Variants in STAG2 observed in about 807,000 individuals in gnomAD.
STAG2 encodes STAG2 cohesin complex component.
A neutral mutation model predicts 108.1 loss-of-function variants in STAG2; 14 were observed. That is an observed-to-expected ratio of 0.13 (90% CI 0.09 to 0.20). The LOEUF is 0.20. Ranked by LOEUF, STAG2 falls within the 10% of genes least tolerant of loss-of-function variation. STAG2 has a pLI of 1.00. For synonymous variants in STAG2, 307 were observed against 302.7 expected (o/e 1.01, Z -0.15); for missense variants, 440 against 940.9 (o/e 0.47, Z 6.96).
At chrX:124,003,704 G>T (rs778711938) in intron 1 of STAG2, 5 of 111,894 alleles carry the variant, frequency 4.5e-5, no homozygotes, top group Admixed American at 1.9e-4. Context: ...GATTACAGGC[G>T]TGAGCCACCG....
rs191685458 is a variant in STAG2, at chrX:124,092,985, T to C, written c.3579-1033T>C. On this transcript the variant is annotated intron_variant, in intron 32 of 34. Coordinates refer to ENST00000371145, the MANE Select transcript of STAG2 (RefSeq NM_001042750.2). ...TTATATCTTTTAAGAACCAGCATAGTATTGTGTAAATTGTAAGCATTCGGT... is the reference window on the plus strand; with the variant it reads ...TTATATCTTTTAAGAACCAGCATAGCATTGTGTAAATTGTAAGCATTCGGT... 5.7e-3 allele frequency among the ~76,000 whole-genome samples: 633 copies of C among 111,715 alleles called. 1 individual carries two copies. Among genetic ancestry groups the C allele is most frequent in the Non-Finnish European group, 8.8e-3 (465 of 53,102 alleles).
At chrX:123,987,134 A>G (rs1260899073) in intron 1 of STAG2, among the ~76,000 whole-genome samples, 1 of 110,284 alleles carries the variant, frequency 9.1e-6, no homozygotes, top group Non-Finnish European at 1.9e-5. Flanking sequence ...CTGGGATTAC[A>G]GGTGTGCGCC....
At chrX:123,975,168 A>AGT (rs2054561906) in intron 1 of STAG2, among the ~76,000 whole-genome samples, 1 of 112,070 alleles carries the variant, frequency 8.9e-6, no homozygotes, top group Admixed American at 9.5e-5. Context: ...CTAAAGAAAT[A>AGT]GTATATATAT....
chrX:123,970,979 C>T (rs2054327590), intron 1 of STAG2, among the ~76,000 whole-genome samples: 1 of 111,698 alleles, frequency 9.0e-6, no homozygotes, highest in East Asian at 2.8e-4. Flanking sequence ...AAAGGGGGCA[C>T]TCACTGAATG....
At chrX:124,059,525 AT>A (rs2058319167) in intron 15 of STAG2, among the ~76,000 whole-genome samples, 1 of 112,046 alleles carries the variant, frequency 8.9e-6, no homozygotes, top group Non-Finnish European at 1.9e-5. Context: ...TGATTGTTTT[AT>A]TTTTATCCTT....
At chrX:123,988,009 A>G (rs12856956) in intron 1 of STAG2, among the ~76,000 whole-genome samples, 3,805 of 111,986 alleles carry the variant, frequency 0.034, 62 homozygotes, top group Non-Finnish European at 0.049. Flanking sequence ...CATGTGGACA[A>G]AGGCTGGGAA....
At chrX:124,065,625 A>C (rs1407865994) in intron 20 of STAG2, among the ~76,000 whole-genome samples, 2 of 111,405 alleles carry the variant, frequency 1.8e-5, no homozygotes, top group Non-Finnish European at 3.8e-5. Flanking sequence ...TTTTGTGTCA[A>C]GTTTACTTAG....
rs991211983 is a variant in STAG2 at position 124,022,954 on chromosome X, C to CT, written c.44+284dup. 2.7e-5 allele frequency among the ~76,000 whole-genome samples: 3 copies of CT among 112,105 alleles called. No individual in the cohort carries two copies. The Admixed American group carries it at 2.8e-4, about 11-fold the overall frequency. On this transcript the variant is annotated intron_variant, in intron 3 of 34. Transcript: ENST00000371145. ...TCCATACTTGGTTTTGCAATAGCAA[C>CT]TGTTTTGAGAGAGCATCATAAAATT...
intron 28 of STAG2, among the ~76,000 whole-genome samples, chrX:124,082,377 C>T (rs1052057510): frequency 1.8e-5 from 2 of 111,574 alleles, no homozygotes; most frequent in Non-Finnish European, 3.8e-5. Context: ...TTTAACATAA[C>T]CAACATTTGT....
intron 30 of STAG2, among the ~76,000 whole-genome samples, chrX:124,089,411 T>C (rs771849113): frequency 8.9e-6 from 1 of 112,009 alleles, no homozygotes; most frequent in African/African-American, 3.2e-5. Flanking sequence ...CCTTTTTTCT[T>C]TTTAGTCCAA....
Position 124,005,095 on chromosome X carries a change from CTAATA to C in STAG2, c.-162-16263_-162-16259del, listed in dbSNP as rs746767678. On this transcript the variant is annotated intron_variant, in intron 1 of 34. Coordinates refer to ENST00000371145, the MANE Select transcript of STAG2 (RefSeq NM_001042750.2). ...ATCATCTTTCGATTACTTATAACAC[CTAATA>C]TAATATAAATGCCGTGTAAATAGTT... Among the ~76,000 whole-genome samples the C allele has an allele frequency of 9.4e-4, 105 of 112,016 alleles. 1 individual carries two copies. Among genetic ancestry groups the C allele is most frequent in the African/African-American group, 3.3e-3 (102 of 30,869 alleles).
At chrX:124,088,409 A>G (rs1421115950) in intron 30 of STAG2, among the ~76,000 whole-genome samples, 1 of 111,160 alleles carries the variant, frequency 9.0e-6, no homozygotes, top group African/African-American at 3.3e-5. Flanking sequence ...AACAGAAGGA[A>G]GTATGAATAC....
At chrX:123,986,534 T>G (rs1421255412) in intron 1 of STAG2, among the ~76,000 whole-genome samples, 1 of 111,861 alleles carries the variant, frequency 8.9e-6, no homozygotes, top group East Asian at 2.8e-4. Context: ...TAGAGACAAG[T>G]AGATTTAAGA....
chrX:124,022,799 C>T (rs1016283221), intron 3 of STAG2, 128 bp downstream of exon 3: 2 of 421,970 alleles, frequency 4.7e-6, no homozygotes, highest in Admixed American at 1.1e-4. Flanking sequence ...TTATGCTTTG[C>T]AAGAGTTTAT....
intron 1 of STAG2, among the ~76,000 whole-genome samples, chrX:123,984,253 C>G (rs1259940739): frequency 4.5e-5 from 5 of 110,763 alleles, no homozygotes; most frequent in African/African-American, 1.6e-4. Flanking sequence ...GCTGGGATTA[C>G]AGGCATGAAG....
intron 4 of STAG2, among the ~76,000 whole-genome samples, chrX:124,027,377 T>C (rs1383818251): frequency 1.8e-5 from 2 of 112,601 alleles, no homozygotes; most frequent in Non-Finnish European, 3.7e-5. Flanking sequence ...GAGAGAGGGA[T>C]ATGAATAGAA....
rs747800862 is a variant in STAG2 at position 124,061,844 on chromosome X, T to C, written c.1608T>C (p.His536=). The part of the protein sequence containing the change: ...LCTIRQAAEC[H]PPVGRGTGKR... The stretch of plus-strand genomic sequence containing the variant: ...CCATTAGACAAGCGGCTGAATGTCA[T>C]CCTCCCGTGGGAAGAGGGACAGGAA... The change falls in exon 17 of 35, where the codon CAT becomes CAC. Residue 536 remains histidine, a synonymous_variant. Coordinates refer to ENST00000371145, the MANE Select transcript of STAG2 (RefSeq NM_001042750.2). The C allele has an allele frequency of 1.7e-6, 2 of 1,170,472 alleles. No homozygotes were observed. The highest frequency in any genetic ancestry group is 4.6e-5 in the Admixed American group (2 of 43,676).
chrX:124,078,087 A>G (rs1481421985), intron 27 of STAG2, 29 bp downstream of exon 27: 2 of 1,011,630 alleles, frequency 2.0e-6, no homozygotes, highest in South Asian at 4.2e-5. Flanking sequence ...AACTTTAGCT[A>G]ACACAATTAA....
At chrX:124,000,822 GTAAGACAGTT>G (rs2055997303) in intron 1 of STAG2, among the ~76,000 whole-genome samples, 3 of 112,118 alleles carry the variant, frequency 2.7e-5, no homozygotes, top group East Asian at 5.6e-4. Context: ...ATGTAGAAGT[GTAAGACAGTT>G]ATATTGATGA....
Sources: allele counts gnomAD v4.1 joint callset (sites outside exome capture counted in the v4.1 genomes callset), GRCh38; gene constraint gnomAD v4.1.1; transcripts MANE v1.5; gene names NCBI Gene and HGNC (gene_info 2026-07-23, HGNC 2026-07-21).